RPA3: variants seen among roughly 807,000 people sequenced by gnomAD.
RPA3 encodes replication protein A 14 kDa subunit.
RPA3 carries 24 observed loss-of-function variants against 13.7 expected under a neutral mutation model. The observed-to-expected ratio is 1.75, with a 90% CI of 1.27 to 2.46. The LOEUF is 2.46. RPA3 is among the 30% of genes most tolerant of loss of function. The probability of loss-of-function intolerance (pLI) is 0.00; values close to 1 mark genes in which losing one functional copy is unlikely to be tolerated. For missense variants in RPA3, 183 were observed against 151.0 expected (o/e 1.21, Z -1.11); for synonymous variants, 59 against 51.2 (o/e 1.15, Z -0.65).
intron 2 of RPA3, among the ~76,000 whole-genome samples, chr7:7,706,392 G>A (rs1476601784): frequency 6.6e-6 from 1 of 152,028 alleles, no homozygotes; most frequent in Non-Finnish European, 1.5e-5. Flanking sequence ...AGAGAGAGAA[G>A]TTCAGGAAAT....
intron 4 of RPA3, among the ~76,000 whole-genome samples, chr7:7,671,479 C>T (rs539917465): frequency 5.9e-5 from 9 of 152,166 alleles, no homozygotes; most frequent in Non-Finnish European, 1.3e-4. Flanking sequence ...TTAGCTGAGG[C>T]TGAGTTTTAA....
chr7:7,638,061 A>C, intron 6 of RPA3, 89 bp from the exon 7 acceptor site: 2 of 845,928 alleles, frequency 2.4e-6, no homozygotes, highest in Non-Finnish European at 3.8e-6. Context: ...TTACTAATCT[A>C]TCACTTCAAG....
chr7:7,684,342 C>T (rs1380315932), intron 4 of RPA3, among the ~76,000 whole-genome samples: 2 of 151,938 alleles, frequency 1.3e-5, no homozygotes, highest in African/African-American at 4.8e-5. Context: ...ATTGGGATTA[C>T]AGGCGTGTGC....
intron 4 of RPA3, among the ~76,000 whole-genome samples, chr7:7,670,417 A>G (rs1779577272): frequency 6.6e-6 from 1 of 152,202 alleles, no homozygotes; most frequent in Non-Finnish European, 1.5e-5. Context: ...GGCAAGTCAC[A>G]TGGCCACATC....
chr7:7,645,067 T>C (rs577083457), intron 4 of RPA3, among the ~76,000 whole-genome samples: 1 of 152,232 alleles, frequency 6.6e-6, no homozygotes, highest in South Asian at 2.1e-4. Flanking sequence ...AATGGTATCA[T>C]TTTTTAAATT....
intron 2 of RPA3, among the ~76,000 whole-genome samples, chr7:7,695,948 G>T (rs1425908047): frequency 6.6e-6 from 1 of 151,320 alleles, no homozygotes; most frequent in Non-Finnish European, 1.5e-5. Flanking sequence ...TTGTCTATAG[G>T]AGGCTCTTTT....
intron 4 of RPA3, among the ~76,000 whole-genome samples, chr7:7,655,053 T>A (rs1016300181): frequency 6.6e-6 from 1 of 152,240 alleles, no homozygotes; most frequent in Non-Finnish European, 1.5e-5. Flanking sequence ...TATGTAATGC[T>A]TGCTATGCTA....
At chr7:7,705,017 C>T (rs1011346717) in intron 2 of RPA3, among the ~76,000 whole-genome samples, 1 of 152,114 alleles carries the variant, frequency 6.6e-6, no homozygotes, top group Non-Finnish European at 1.5e-5. Flanking sequence ...GATTGTGAAC[C>T]ATGGTGCTTC....
intron 2 of RPA3, among the ~76,000 whole-genome samples, chr7:7,699,096 TTGCC>T (rs1352249349): frequency 6.6e-6 from 1 of 151,792 alleles, no homozygotes; most frequent in Non-Finnish European, 1.5e-5. Flanking sequence ...AGGCTGATCT[TTGCC>T]TGCCTTGGCT....
At chr7:7,673,952 C>T (rs2115109645) in intron 4 of RPA3, among the ~76,000 whole-genome samples, 1 of 152,268 alleles carries the variant, frequency 6.6e-6, no homozygotes, top group South Asian at 2.1e-4. Flanking sequence ...GTTTTAGTGT[C>T]TTTAAAAAAT....
chr7:7,665,582 T>A (rs577079351), intron 4 of RPA3, among the ~76,000 whole-genome samples: 12 of 152,204 alleles, frequency 7.9e-5, no homozygotes, highest in Non-Finnish European at 1.2e-4. Flanking sequence ...TGAGTTTTGA[T>A]GTGTGCTTAT....
At chr7:7,643,757 A>G (rs1265670035) in intron 4 of RPA3, among the ~76,000 whole-genome samples, 3 of 146,736 alleles carry the variant, frequency 2.0e-5, no homozygotes, top group African/African-American at 7.5e-5. Flanking sequence ...ATCAACGGTT[A>G]AATCGGACAC....
At chr7:7,666,732 A>T (rs974055173) in intron 4 of RPA3, among the ~76,000 whole-genome samples, 1 of 151,968 alleles carries the variant, frequency 6.6e-6, no homozygotes, top group African/African-American at 2.4e-5. Flanking sequence ...TATATCCTTT[A>T]TATACATTAT....
chr7:7,638,871 G>A (rs1049263768), intron 6 of RPA3, 199 bp downstream of exon 6: 2 of 398,508 alleles, frequency 5.0e-6, no homozygotes, highest in African/African-American at 2.1e-5. Context: ...AAATCATGAC[G>A]CCCAAAAAAT....
intron 4 of RPA3, among the ~76,000 whole-genome samples, chr7:7,652,971 ATTTATTTT>A (rs1287854959): frequency 6.6e-6 from 1 of 152,196 alleles, no homozygotes; most frequent in Admixed American, 6.5e-5. Context: ...ATAATGTTTT[ATTTATTTT>A]TACATTTATT....
At chr7:7,717,393 A>C (rs1181972741) in intron 1 of RPA3, among the ~76,000 whole-genome samples, 1 of 151,150 alleles carries the variant, frequency 6.6e-6, no homozygotes, top group Non-Finnish European at 1.5e-5. Flanking sequence ...CCACTCTTAA[A>C]CTCACTCCTT....
At chr7:7,666,192 GTT>G (rs1779451474) in intron 4 of RPA3, among the ~76,000 whole-genome samples, 3 of 142,744 alleles carry the variant, frequency 2.1e-5, no homozygotes, top group African/African-American at 2.5e-5. Context: ...TTTTTTGTTT[GTT>G]TGTTTGTTTG....
At chr7:7,682,553 G>A (rs1779938774) in intron 4 of RPA3, among the ~76,000 whole-genome samples, 1 of 152,192 alleles carries the variant, frequency 6.6e-6, no homozygotes, top group African/African-American at 2.4e-5. Flanking sequence ...GGGACAGTAA[G>A]TCACTTTGAT....
chr7:7,694,973 A>G (rs942919834), intron 2 of RPA3, among the ~76,000 whole-genome samples: 1 of 152,156 alleles, frequency 6.6e-6, no homozygotes, highest in African/African-American at 2.4e-5. Flanking sequence ...ACTGTTCTCC[A>G]TAGTGGTTGT....
Sources: allele counts gnomAD v4.1 joint callset (sites outside exome capture counted in the v4.1 genomes callset), GRCh38; gene constraint gnomAD v4.1.1; transcripts MANE v1.5; gene names NCBI Gene and HGNC (gene_info 2026-07-23, HGNC 2026-07-21).